Variants in STXBP4 observed in about 807,000 individuals in gnomAD.
STXBP4 encodes the protein syntaxin-binding protein 4.
STXBP4 carries 55 observed loss-of-function variants against 76.1 expected under a neutral mutation model. The ratio of observed to expected loss-of-function variants is 0.72; its 90% CI spans 0.58 to 0.91. STXBP4 has a LOEUF of 0.91. Ranked by LOEUF, STXBP4 falls within the 40% of genes least tolerant of loss-of-function variation. STXBP4 has a pLI of 0.00. For synonymous variants in STXBP4, 201 were observed against 220.2 expected, an observed-to-expected ratio of 0.91 and a Z score of 0.77; for missense variants, 618 against 636.9, an observed-to-expected ratio of 0.97 and a Z score of 0.32.
chr17:55,139,270 A>G (rs573696228), intron 16 of STXBP4, among the ~76,000 whole-genome samples: 2 of 152,308 alleles, frequency 1.3e-5, no homozygotes, highest in South Asian at 4.1e-4. Context: ...GATCCTGTAG[A>G]TTAAAAGATA....
At chr17:55,193,906 C>G in the STXBP4 span, among the ~76,000 whole-genome samples, 9 of 150,894 alleles carry the variant, frequency 6.0e-5, no homozygotes, top group Non-Finnish European at 1.2e-4. Flanking sequence ...GAAGAAGAAG[C>G]ATTAACATTT....
intron 16 of STXBP4, among the ~76,000 whole-genome samples, chr17:55,089,093 G>A (rs1298440524): frequency 6.6e-6 from 1 of 152,074 alleles, no homozygotes; most frequent in Non-Finnish European, 1.5e-5. Context: ...ATAAAAAGTG[G>A]ATCTCATAAT....
In STXBP4 at chr17:55,031,251, AGTGTCT is replaced by A. The variant is rs2078505010; in HGVS notation, c.751_756del (p.Val251_Ser252del). On this transcript the variant is annotated inframe_deletion, in exon 9 of 18. Coordinates refer to ENST00000376352, the MANE Select transcript of STXBP4 (RefSeq NM_178509.6). ...AAGTACAAGCAGACTCAAAAGGGAC[AGTGTCT>A]TTTGGAGGTAATATTAGGTTTATTG... is the stretch of plus-strand genomic sequence containing the variant. The A allele has an allele frequency of 6.2e-7, 1 of 1,611,760 alleles. No homozygotes were observed. The highest frequency in any genetic ancestry group is 1.1e-5 in the South Asian group (1 of 91,016).
rs1461377046 is a variant in STXBP4, at chr17:55,168,273, G to A, written c.*8362G>A. The A allele has an allele frequency of 2.0e-5, 3 of 150,582 alleles. No homozygotes were observed. The highest frequency in any genetic ancestry group is 7.3e-5 in the African/African-American group (3 of 40,888). 9.3% of individuals were successfully genotyped at this position (150,582 alleles called of 1,614,324 possible). On this transcript the variant is annotated 3_prime_UTR_variant, in exon 18 of 18. Transcript: ENST00000376352. Reference sequence around the variant, plus strand: ...ACACACACACACACACACACGTATTGGAGGAATAAGAAATATTTAATAAAA... The same window carrying A: ...ACACACACACACACACACACGTATTAGAGGAATAAGAAATATTTAATAAAA...
chr17:55,029,239 TTTAAGA>T (rs1268935174), intron 8 of STXBP4, among the ~76,000 whole-genome samples: 3 of 152,042 alleles, frequency 2.0e-5, no homozygotes, highest in Non-Finnish European at 2.9e-5. Flanking sequence ...AGAGTTACTC[TTTAAGA>T]TTATGCTTTT....
intron 1 of STXBP4, among the ~76,000 whole-genome samples, chr17:54,972,025 C>A (rs565250089): frequency 1.3e-5 from 2 of 152,186 alleles, no homozygotes; most frequent in Admixed American, 6.5e-5. Flanking sequence ...TTTGTGACCC[C>A]TTGACAGGAA....
chr17:55,012,721 G>A (rs1450598735), intron 8 of STXBP4, among the ~76,000 whole-genome samples: 1 of 152,130 alleles, frequency 6.6e-6, no homozygotes, highest in East Asian at 1.9e-4. Flanking sequence ...CTGGAGTGAG[G>A]GGATTACTTT....
chr17:55,144,502 A>G (rs1160859980), intron 17 of STXBP4, among the ~76,000 whole-genome samples: 2 of 152,240 alleles, frequency 1.3e-5, no homozygotes, highest in Non-Finnish European at 2.9e-5. Flanking sequence ...ATTACGCTGT[A>G]TAAGACACAG....
In STXBP4 at chr17:55,084,209, C is replaced by A. The variant is rs368272977; in HGVS notation, c.1489+3026C>A. On this transcript the variant is annotated intron_variant, in intron 16 of 17. Transcript: ENST00000376352. ...GAGATGGTATCTCATTGTGGTTTTG[C>A]TTTGCATTTCTCTGATGGCCAGTGA... 1.6e-3 allele frequency among the ~76,000 whole-genome samples: 242 copies of A among 152,054 alleles called. 7 individuals carry two copies. In the South Asian group the frequency reaches 0.044, roughly 28 times the overall value.
chr17:55,072,264 A>G (rs1189608465), intron 12 of STXBP4, among the ~76,000 whole-genome samples: 5 of 152,240 alleles, frequency 3.3e-5, no homozygotes, highest in East Asian at 3.9e-4. Flanking sequence ...CTTTCTCTCA[A>G]TATTGTTTTA....
At chr17:55,091,219 A>G (rs2079409561) in intron 16 of STXBP4, among the ~76,000 whole-genome samples, 1 of 152,174 alleles carries the variant, frequency 6.6e-6, no homozygotes, top group Non-Finnish European at 1.5e-5. Flanking sequence ...GGGAATATAA[A>G]TTGGCATGAC....
rs796486060 is a variant in STXBP4, at chr17:54,997,582, ATATATATTT to A, written c.181-1746_181-1738del. On this transcript the variant is annotated intron_variant, in intron 4 of 17. Coordinates refer to ENST00000376352, the MANE Select transcript of STXBP4 (RefSeq NM_178509.6). ...TATATATATTATATAATATAAATATATATATATTTTATATATTTTATATATATATATATT... is the reference window on the plus strand; with the variant it reads ...TATATATATTATATAATATAAATATATATATATTTTATATATATATATATT... Among the ~76,000 whole-genome samples the A allele has an allele frequency of 1.9e-3, 275 of 145,868 alleles. 6 individuals are homozygous for A. In the East Asian group the frequency reaches 0.035, roughly 18 times the overall value.
intron 16 of STXBP4, among the ~76,000 whole-genome samples, chr17:55,108,965 A>G (rs979216132): frequency 6.6e-6 from 1 of 152,234 alleles, no homozygotes; most frequent in Non-Finnish European, 1.5e-5. Flanking sequence ...GGCTTTATTT[A>G]CATAACCTAT....
At chr17:55,083,571 C>A (rs78694613) in intron 16 of STXBP4, among the ~76,000 whole-genome samples, 2,397 of 152,198 alleles carry the variant, frequency 0.016, 50 homozygotes, top group South Asian at 0.058. Context: ...TGGTTAATTG[C>A]GCTCAGCTAG....
intron 16 of STXBP4, among the ~76,000 whole-genome samples, chr17:55,096,409 C>A (rs895854625): frequency 6.6e-6 from 1 of 151,996 alleles, no homozygotes; most frequent in Non-Finnish European, 1.5e-5. Context: ...TATTTTAATT[C>A]GAATCATTCA....
At chr17:55,047,218 G>GTT in intron 12 of STXBP4, 64 bp downstream of exon 12, 2 of 862,926 alleles carry the variant, frequency 2.3e-6, no homozygotes, top group South Asian at 3.7e-5. Context: ...GTGTGTGTGT[G>GTT]AACATATGAG....
chr17:55,185,245 T>TCTCCTCCTTCTC, the STXBP4 span, among the ~76,000 whole-genome samples: 1 of 57,916 alleles, frequency 1.7e-5, no homozygotes, highest in Admixed American at 1.7e-4. Context: ...TTCTTCTTCT[T>TCTCCTCCTTCTC]CTTCTCCTTC....
rs9905481 is a variant in STXBP4, at chr17:55,050,041, C to T, written c.1011+2887C>T. 5.7e-3 allele frequency among the ~76,000 whole-genome samples: 871 copies of T among 151,766 alleles called. 2 individuals are homozygous for T. Among genetic ancestry groups the T allele is most frequent in the African/African-American group, 0.02 (847 of 41,416 alleles). On this transcript the variant is annotated intron_variant, in intron 12 of 17. Coordinates refer to ENST00000376352, the MANE Select transcript of STXBP4 (RefSeq NM_178509.6). ...TGATGTATAAACTTAATAAAAATGG[C>T]ACAAAAAAGAAGATACAGTTAGACT...
chr17:55,211,798 TG>T, the STXBP4 span, among the ~76,000 whole-genome samples: 1 of 119,220 alleles, frequency 8.4e-6, no homozygotes, highest in African/African-American at 3.3e-5. Flanking sequence ...TGTTTTTTGT[TG>T]TTTTTTTTTT....
Sources: gnomAD v4.1 joint callset for allele counts (sites outside exome capture counted in the v4.1 genomes callset) on GRCh38, gnomAD v4.1.1 for gene constraint, MANE v1.5 for transcripts, NCBI Gene and HGNC (gene_info 2026-07-23, HGNC 2026-07-21) for gene names.